Variants in CTNNA3 observed in about 807,000 individuals in gnomAD.
CTNNA3 encodes catenin alpha-3.
A neutral mutation model predicts 95.7 loss-of-function variants in CTNNA3; 76 were observed. The ratio of observed to expected loss-of-function variants is 0.79; its 90% confidence interval spans 0.66 to 0.96. The LOEUF is 0.96. Ranked by LOEUF, CTNNA3 falls within the 40% of genes least tolerant of loss-of-function variation. The probability of loss-of-function intolerance (pLI) is 0.00; values close to 1 mark genes in which losing one functional copy is unlikely to be tolerated. For synonymous variants in CTNNA3, 431 were observed against 374.4 expected (o/e 1.15, Z -1.74); for missense variants, 1,191 against 1,089.8 (o/e 1.09, Z -1.31).
intron 17 of CTNNA3, among the ~76,000 whole-genome samples, chr10:65,932,151 T>C (rs1036453727): frequency 6.6e-6 from 1 of 152,118 alleles, no homozygotes; most frequent in African/African-American, 2.4e-5. Flanking sequence ...AAATTCTTTC[T>C]CTCTCTGAGT....
intron 7 of CTNNA3, among the ~76,000 whole-genome samples, chr10:67,067,095 A>ATCCT (rs1856136963): frequency 6.6e-6 from 1 of 152,340 alleles, no homozygotes; most frequent in South Asian, 2.1e-4. Flanking sequence ...TGATCTGGAT[A>ATCCT]TATTTTTCCC....
At chr10:67,611,829 C>G (rs1192157359) in intron 2 of CTNNA3, among the ~76,000 whole-genome samples, 1 of 152,148 alleles carries the variant, frequency 6.6e-6, no homozygotes, top group African/African-American at 2.4e-5. Flanking sequence ...GCTACTTTTG[C>G]TCCCTTGAGT....
chr10:65,928,773 T>C (rs904684535), intron 17 of CTNNA3, among the ~76,000 whole-genome samples: 1 of 152,210 alleles, frequency 6.6e-6, no homozygotes, highest in African/African-American at 2.4e-5. Context: ...GATCAAATAA[T>C]GTTTCTCATT....
intron 7 of CTNNA3, among the ~76,000 whole-genome samples, chr10:66,986,437 C>A (rs1037646057): frequency 6.6e-5 from 10 of 152,064 alleles, no homozygotes; most frequent in Non-Finnish European, 1.5e-5. Flanking sequence ...GCAGAGGTTG[C>A]AATAAGCCAA....
At chr10:66,536,985 A>T (rs1841681636) in intron 10 of CTNNA3, among the ~76,000 whole-genome samples, 1 of 152,096 alleles carries the variant, frequency 6.6e-6, no homozygotes, top group Non-Finnish European at 1.5e-5. Flanking sequence ...GTCAACTGTG[A>T]AATAGCATAA....
intron 9 of CTNNA3, among the ~76,000 whole-genome samples, chr10:66,636,974 A>G (rs1188957533): frequency 2.0e-5 from 3 of 152,190 alleles, no homozygotes; most frequent in African/African-American, 7.2e-5. Flanking sequence ...GTGAAGCTTT[A>G]AAAAATGTTA....
rs961300588 is a variant in CTNNA3, at chr10:66,865,765, G to A, written c.1048-90241C>T. Among the ~76,000 whole-genome samples, 5 of 151,904 alleles carry A rather than the reference G, an allele frequency of 3.3e-5. No individual in the cohort carries two copies. The East Asian group carries it at 5.8e-4, about 18-fold the overall frequency. On this transcript the variant is annotated intron_variant, in intron 7 of 17. Transcript: ENST00000433211. The stretch of plus-strand genomic sequence containing the variant: ...AGCTCAAATCACTAGATATCAAAGA[G>A]AAGATTATATTCTTAAGGGGAAAAT...
At chr10:67,736,907 A>G (rs7911093) in intron 1 of CTNNA3, among the ~76,000 whole-genome samples, 17,484 of 152,224 alleles carry the variant, frequency 0.11, 1,184 homozygotes, top group Non-Finnish European at 0.16. Flanking sequence ...ATATCAGGCC[A>G]CAAAACAAGT....
chr10:66,675,485 G>A (rs553974316), intron 9 of CTNNA3, among the ~76,000 whole-genome samples: 7 of 152,092 alleles, frequency 4.6e-5, no homozygotes, highest in East Asian at 1.9e-4. Flanking sequence ...TGAGTTAGTC[G>A]AGGAACAGAT....
chr10:66,627,415 G>A (rs1451222215), intron 9 of CTNNA3, among the ~76,000 whole-genome samples: 1 of 151,968 alleles, frequency 6.6e-6, no homozygotes, highest in Non-Finnish European at 1.5e-5. Context: ...TTGTTCTGTC[G>A]AATCTTAGCC....
chr10:66,762,890 T>G (rs539753108), intron 9 of CTNNA3, among the ~76,000 whole-genome samples: 167 of 152,168 alleles, frequency 1.1e-3, no homozygotes, highest in Non-Finnish European at 1.9e-3. Flanking sequence ...AAGTCTTACT[T>G]CAACATGTTC....
chr10:67,600,131 A>G (rs1843040768), intron 3 of CTNNA3, among the ~76,000 whole-genome samples: 1 of 152,138 alleles, frequency 6.6e-6, no homozygotes, highest in Non-Finnish European at 1.5e-5. Context: ...TACTGGAAAA[A>G]CTAAACATCT....
At chr10:67,112,867 G>A (rs1423084615) in intron 7 of CTNNA3, among the ~76,000 whole-genome samples, 2 of 142,952 alleles carry the variant, frequency 1.4e-5, no homozygotes, top group East Asian at 3.9e-4. Context: ...TCACATTATG[G>A]AATATCATTT....
At chr10:66,419,137 C>CAAA (rs2093170561) in intron 11 of CTNNA3, among the ~76,000 whole-genome samples, 1 of 151,844 alleles carries the variant, frequency 6.6e-6, no homozygotes, top group African/African-American at 2.4e-5. Flanking sequence ...AAGACTCCAC[C>CAAA]AAAAAACCCT....
chr10:66,506,208 A>G (rs1840445310), intron 11 of CTNNA3, among the ~76,000 whole-genome samples: 1 of 152,172 alleles, frequency 6.6e-6, no homozygotes, highest in Non-Finnish European at 1.5e-5. Context: ...ATCCACACCC[A>G]AGGCCTAAAC....
Position 66,927,586 on chromosome 10 carries a change from C to T in CTNNA3, c.1048-152062G>A, listed in dbSNP as rs1318661181. The T allele has an allele frequency of 6.8e-6, 11 of 1,614,046 alleles. No individual in the cohort carries two copies. Among genetic ancestry groups the T allele is most frequent in the Admixed American group, 3.3e-5 (2 of 59,996 alleles). ...TCAATTTTCCAAGCTCAACCTGGCC[C>T]TTTTTCCAAGGTTGGTCAGCCTTCA... On this transcript the variant is annotated intron_variant, in intron 7 of 17. Coordinates refer to ENST00000433211, the MANE Select transcript of CTNNA3 (RefSeq NM_013266.4). This position sits in a 1 kb window ranked among gnomAD's most constrained non-coding sequence, Gnocchi z 4.7.
intron 15 of CTNNA3, among the ~76,000 whole-genome samples, chr10:66,009,359 G>T (rs1249530250): frequency 1.3e-5 from 2 of 152,050 alleles, no homozygotes; most frequent in African/African-American, 4.8e-5. Context: ...ATAAATCCAG[G>T]TATCTTTGAT....
At position 66,020,427 on chromosome 10, in the gene CTNNA3, C is replaced by T. The variant is rs575253961; in HGVS notation, c.2160-31630G>A. On this transcript the variant is annotated intron_variant, in intron 15 of 17. Coordinates refer to ENST00000433211, the MANE Select transcript of CTNNA3 (RefSeq NM_013266.4). The stretch of plus-strand genomic sequence containing the variant: ...TGGACAAAAAGTTGGAGAGTAGAGA[C>T]CTGGAAAGCCTGCAAGGCTGACATG... Among the ~76,000 whole-genome samples, 22 of 152,250 alleles carry T rather than the reference C, an allele frequency of 1.4e-4. No homozygotes were observed. In the South Asian group the frequency reaches 4.1e-3, roughly 29 times the overall value.
intron 5 of CTNNA3, 79 bp from the exon 6 acceptor site, chr10:67,219,949 G>T: frequency 8.5e-7 from 1 of 1,175,728 alleles, no homozygotes; most frequent in Non-Finnish European, 1.2e-6. Flanking sequence ...TTCTTTTTTT[G>T]TAAGTATAAA....
Sources: gnomAD v4.1 joint callset for allele counts (sites outside exome capture counted in the v4.1 genomes callset) on GRCh38, gnomAD v4.1.1 for gene constraint, Gnocchi (gnomAD v3.1) non-coding constraint, MANE v1.5 for transcripts, NCBI Gene and HGNC (gene_info 2026-07-23, HGNC 2026-07-21) for gene names.